The following PCDH15 variants were observed in gnomAD, a reference collection of about 807,000 sequenced individuals.
The protein encoded by PCDH15 is protocadherin related 15, also known as protocadherin-15.
In PCDH15, 129 loss-of-function variants were observed where a neutral mutation model predicts 178.5. The ratio of observed to expected loss-of-function variants is 0.72; its 90% CI spans 0.63 to 0.84. The LOEUF (loss-of-function observed/expected upper bound fraction) is 0.84, where lower values mean the gene tolerates loss of function less well. Ranked by LOEUF, PCDH15 falls within the 40% of genes least tolerant of loss-of-function variation. PCDH15 has a pLI of 0.00. For missense variants in PCDH15, 2,230 were observed against 2,099.9 expected, an observed-to-expected ratio of 1.06 and a Z score of -1.21; for synonymous variants, 800 against 732.0, an observed-to-expected ratio of 1.09 and a Z score of -1.50.
rs182733930 is a variant in PCDH15, at chr10:54,401,580, A to G, written c.158-22638T>C. Among the ~76,000 whole-genome samples, 6 of 151,950 alleles carry G rather than the reference A, an allele frequency of 3.9e-5. No individual in the cohort carries two copies. In the East Asian group the frequency reaches 1.2e-3, roughly 29 times the overall value. On this transcript the variant is annotated intron_variant, in intron 3 of 37. Transcript: ENST00000644397. ...AAGATTATATTCAATGACTCTGAAC[A>G]AGGAAAAAAGCAAAAAATTAAGTGA...
intron 2 of PCDH15, among the ~76,000 whole-genome samples, chr10:55,608,241 A>T (rs1843277480): frequency 2.0e-5 from 3 of 148,512 alleles, no homozygotes; most frequent in Non-Finnish European, 4.5e-5. Context: ...GGAGGAAGGA[A>T]GGAAGAAAGG....
chr10:53,973,199 C>T (rs2134471040), intron 21 of PCDH15, among the ~76,000 whole-genome samples: 1 of 150,748 alleles, frequency 6.6e-6, no homozygotes, highest in East Asian at 2.0e-4. Flanking sequence ...GGACAGATAA[C>T]CAAACACCAC....
chr10:55,485,644 A>G (rs1430277212), intron 2 of PCDH15, among the ~76,000 whole-genome samples: 2 of 151,678 alleles, frequency 1.3e-5, no homozygotes, highest in East Asian at 3.9e-4. Context: ...CCACTGCTGT[A>G]TATATATGCC....
At position 54,042,116 on chromosome 10, in the gene PCDH15, A is replaced by G. The variant is rs79966959; in HGVS notation, c.2221-18919T>C. On this transcript the variant is annotated intron_variant, in intron 18 of 37. Coordinates refer to ENST00000644397, the MANE Select transcript of PCDH15 (RefSeq NM_001384140.1). ...AAACTGGGGAGGCTCTGATGGCACG[A>G]AGCAGCTTTCTATAACAATTTCCCA... Among the ~76,000 whole-genome samples, 17 of 152,196 alleles carry G rather than the reference A, an allele frequency of 1.1e-4. No homozygotes were observed. In the East Asian group the frequency reaches 2.9e-3, roughly 26 times the overall value.
intron 3 of PCDH15, among the ~76,000 whole-genome samples, chr10:54,525,030 T>A (rs773057228): frequency 1.5e-4 from 23 of 152,196 alleles, no homozygotes; most frequent in Non-Finnish European, 2.2e-4. Context: ...GCACTTGACA[T>A]ATATATTCAC....
At chr10:54,680,294 A>T (rs894858460) in intron 1 of PCDH15, among the ~76,000 whole-genome samples, 1 of 152,142 alleles carries the variant, frequency 6.6e-6, no homozygotes, top group Non-Finnish European at 1.5e-5. Context: ...TTCTAAAATG[A>T]TTTTTTGCAA....
chr10:55,292,418 G>A (rs1843029171), intron 1 of PCDH15, among the ~76,000 whole-genome samples: 1 of 151,980 alleles, frequency 6.6e-6, no homozygotes, highest in African/African-American at 2.4e-5. Flanking sequence ...TCTCACTCTT[G>A]CTACCCAGGC....
At chr10:55,372,677 A>T (rs1231275969) in intron 2 of PCDH15, among the ~76,000 whole-genome samples, 2 of 152,096 alleles carry the variant, frequency 1.3e-5, no homozygotes, top group Non-Finnish European at 2.9e-5. Flanking sequence ...ATAATGTGTC[A>T]TTATACCTGT....
At chr10:55,320,678 TC>T (rs1487359213), upstream of PCDH15, among the ~76,000 whole-genome samples, 1 of 152,062 alleles carries the variant, frequency 6.6e-6, no homozygotes, top group Non-Finnish European at 1.5e-5. Context: ...GAGCCTTGGC[TC>T]CCTAAAGTCC....
chr10:55,061,703 T>C (rs985110665), intron 2 of PCDH15, among the ~76,000 whole-genome samples: 1 of 152,188 alleles, frequency 6.6e-6, no homozygotes, highest in Non-Finnish European at 1.5e-5. Context: ...GACAATGGAA[T>C]ATATTACTCA....
chr10:53,876,587 T>C (rs2080263964), intron 26 of PCDH15, among the ~76,000 whole-genome samples: 1 of 150,712 alleles, frequency 6.6e-6, no homozygotes, highest in Non-Finnish European at 1.5e-5. Context: ...AAATGTCAGG[T>C]AGATTGATCT....
chr10:55,571,020 C>T (rs914340203), intron 2 of PCDH15, among the ~76,000 whole-genome samples: 10 of 152,082 alleles, frequency 6.6e-5, no homozygotes, highest in Non-Finnish European at 1.3e-4. Flanking sequence ...CCCTCCAAAT[C>T]TCATGTTGAA....
At position 54,877,936 on chromosome 10, in the gene PCDH15, CTCTTTTTTTTTTTTTTTTTTTTTT is replaced by C. The variant is rs1195368415; in HGVS notation, c.-29+19490_-29+19513del. 6.3e-3 allele frequency among the ~76,000 whole-genome samples: 656 copies of C among 104,328 alleles called. 8 individuals carry two copies. Among genetic ancestry groups the C allele is most frequent in the African/African-American group, 0.02 (600 of 29,624 alleles). The allele number at this position is 104,328 out of a possible 152,430, so 68.4% of individuals were successfully genotyped here. A position where few individuals can be genotyped will look rare whatever the true frequency, so the allele number is the denominator to read the frequency against. ...TCTCTTATTCTCTTTCTCTCTCTCT[CTCTTTTTTTTTTTTTTTTTTTTTT>C]TTTTTTTTTTTTTTTTTGTTGAAGT... On this transcript the variant is annotated intron_variant, in intron 3 of 5. Coordinates refer to the PCDH15 transcript ENST00000458638.
intron 15 of PCDH15, among the ~76,000 whole-genome samples, chr10:54,100,681 C>G (rs761320994): frequency 6.6e-6 from 1 of 152,010 alleles, no homozygotes; most frequent in African/African-American, 2.4e-5. Context: ...CAAAAAAAAT[C>G]GATTTGTAAA....
chr10:54,253,060 T>C (rs1163684577), intron 8 of PCDH15, among the ~76,000 whole-genome samples: 2 of 151,970 alleles, frequency 1.3e-5, no homozygotes, highest in African/African-American at 2.4e-5. Flanking sequence ...AGCTGGGAGA[T>C]AGGAAAATCC....
rs533286405 is a variant in PCDH15, at chr10:54,390,220, T to A, written c.158-11278A>T. On this transcript the variant is annotated intron_variant, in intron 3 of 37. Coordinates refer to ENST00000644397, the MANE Select transcript of PCDH15 (RefSeq NM_001384140.1). Reference sequence around the variant, plus strand: ...GTATTTTGTTGTCCATTGTCTAACGTCTTTAGAATTCACTCCCATGCATGA... The same window carrying A: ...GTATTTTGTTGTCCATTGTCTAACGACTTTAGAATTCACTCCCATGCATGA... Among the ~76,000 whole-genome samples the A allele has an allele frequency of 2.0e-5, 3 of 152,314 alleles. No individual in the cohort carries two copies. The South Asian group carries it at 6.2e-4, about 32-fold the overall frequency.
chr10:55,217,724 C>T (rs1368152356), intron 1 of PCDH15, among the ~76,000 whole-genome samples: 1 of 150,932 alleles, frequency 6.6e-6, no homozygotes, highest in African/African-American at 2.4e-5. Flanking sequence ...TTAAATGACA[C>T]AAAAGAAAAA....
At chr10:54,071,520 T>C (rs2094242711) in intron 17 of PCDH15, among the ~76,000 whole-genome samples, 1 of 152,164 alleles carries the variant, frequency 6.6e-6, no homozygotes, top group South Asian at 2.1e-4. Flanking sequence ...ACAAAATTTG[T>C]TAAACATTTC....
At chr10:54,345,887 G>C (rs1160108687) in intron 6 of PCDH15, among the ~76,000 whole-genome samples, 2 of 145,910 alleles carry the variant, frequency 1.4e-5, no homozygotes, top group African/African-American at 5.1e-5. Flanking sequence ...AAATAAAACA[G>C]ACTATAGCTA....
Sources: gnomAD v4.1 joint callset for allele counts (sites outside exome capture counted in the v4.1 genomes callset) on GRCh38, gnomAD v4.1.1 for gene constraint, MANE v1.5 for transcripts, NCBI Gene and HGNC (gene_info 2026-07-23, HGNC 2026-07-21) for gene names.